ZFHX4: variants seen among roughly 807,000 people sequenced by gnomAD.
ZFHX4 encodes zinc finger homeobox protein 4.
ZFHX4 carries 56 observed loss-of-function variants against 267.6 expected under a neutral mutation model. The ratio of observed to expected loss-of-function variants is 0.21; its 90% CI spans 0.17 to 0.26. ZFHX4 has a LOEUF of 0.26. ZFHX4 is among the 10% of genes least tolerant of loss of function. ZFHX4 has a pLI of 1.00. For missense variants in ZFHX4, 4,332 were observed against 4,420.0 expected, an observed-to-expected ratio of 0.98 and a Z score of 0.56; for synonymous variants, 1,778 against 1,665.6, an observed-to-expected ratio of 1.07 and a Z score of -1.64.
Position 76,704,040 on chromosome 8 carries a change from C to T in ZFHX4, c.-46-3C>T. 1 of 1,519,462 alleles carries T rather than the reference C, an allele frequency of 6.6e-7. No individual in the cohort carries two copies. Among genetic ancestry groups the T allele is most frequent in the South Asian group, 1.3e-5 (1 of 74,524 alleles). 94.1% of individuals were successfully genotyped at this position (1,519,462 alleles called of 1,614,324 possible). A position where few individuals can be genotyped will look rare whatever the true frequency, so the allele number is the denominator to read the frequency against. Reference sequence around the variant, plus strand: ...GGCTTCTCTCACCTTATTTTTTATCCAGGTCCCTGACAGGCTGGATGAAAT... The same window carrying T: ...GGCTTCTCTCACCTTATTTTTTATCTAGGTCCCTGACAGGCTGGATGAAAT... On this transcript the variant is annotated splice_region_variant and splice_polypyrimidine_tract_variant and intron_variant, in intron 1 of 10. Coordinates refer to ENST00000651372, the MANE Select transcript of ZFHX4 (RefSeq NM_024721.5).
intron 4 of ZFHX4, among the ~76,000 whole-genome samples, chr8:76,818,005 T>G (rs1478898635): frequency 6.6e-6 from 1 of 152,150 alleles, no homozygotes; most frequent in Non-Finnish European, 1.5e-5. Flanking sequence ...GATAGAAAAG[T>G]GAAAGTTCCC....
chr8:76,699,620 A>G (rs1453731531), intron 1 of ZFHX4, among the ~76,000 whole-genome samples: 7 of 151,724 alleles, frequency 4.6e-5, no homozygotes, highest in African/African-American at 1.7e-4. Flanking sequence ...AGCACACCAC[A>G]CCCTTTTAAA....
intron 3 of ZFHX4, among the ~76,000 whole-genome samples, chr8:76,740,685 G>T (rs1000810882): frequency 6.6e-6 from 1 of 152,138 alleles, no homozygotes; most frequent in African/African-American, 2.4e-5. Flanking sequence ...GGTAAAGAAA[G>T]TCAGAAGAGT....
intron 3 of ZFHX4, among the ~76,000 whole-genome samples, chr8:76,711,344 G>T (rs1271158426): frequency 6.6e-6 from 1 of 152,018 alleles, no homozygotes; most frequent in Non-Finnish European, 1.5e-5. Flanking sequence ...ATTGCTCTAG[G>T]AAAATAAAAC....
At chr8:76,809,877 A>G (rs1020332448) in intron 4 of ZFHX4, among the ~76,000 whole-genome samples, 2 of 152,198 alleles carry the variant, frequency 1.3e-5, no homozygotes, top group African/African-American at 4.8e-5. Flanking sequence ...TCTTACGTTG[A>G]TTGATATTTG....
intron 4 of ZFHX4, among the ~76,000 whole-genome samples, chr8:76,824,524 T>C (rs1811735764): frequency 6.6e-6 from 1 of 152,222 alleles, no homozygotes; most frequent in Non-Finnish European, 1.5e-5. Context: ...ACTTGTCTAT[T>C]ACTACCAGTC....
chr8:76,806,074 A>G (rs923185157), intron 4 of ZFHX4, among the ~76,000 whole-genome samples: 7 of 152,236 alleles, frequency 4.6e-5, no homozygotes, highest in African/African-American at 1.7e-4. Flanking sequence ...CCCATCCTTT[A>G]TAGGAATCAC....
chr8:76,737,254 T>A, intron 3 of ZFHX4, among the ~76,000 whole-genome samples: 1 of 152,176 alleles, frequency 6.6e-6, no homozygotes, highest in East Asian at 1.9e-4. Flanking sequence ...TCCTTAGTTA[T>A]AACTGATACA....
intron 4 of ZFHX4, among the ~76,000 whole-genome samples, chr8:76,809,829 C>T (rs1020214673): frequency 6.6e-6 from 1 of 152,068 alleles, no homozygotes; most frequent in African/African-American, 2.4e-5. Context: ...TGATTAGTGA[C>T]ATTTGATAAT....
At chr8:76,842,852 C>G in intron 6 of ZFHX4, 81 bp downstream of exon 6, 1 of 945,430 alleles carries the variant, frequency 1.1e-6, no homozygotes, top group Non-Finnish European at 1.6e-6. Context: ...ATCCCCCCAC[C>G]CCACAAAACT....
chr8:76,849,925 T>C, intron 8 of ZFHX4: 1 of 604,624 alleles, frequency 1.7e-6, no homozygotes, highest in Non-Finnish European at 2.9e-6. Context: ...GTAAAGAACA[T>C]TATTTTGCAG....
chr8:76,793,132 G>T (rs914401357), intron 4 of ZFHX4, among the ~76,000 whole-genome samples: 2 of 152,096 alleles, frequency 1.3e-5, no homozygotes, highest in East Asian at 3.9e-4. Flanking sequence ...TTATTCTGCT[G>T]CTTCTGCCTC....
Position 76,855,211 on chromosome 8 carries a change from C to T in ZFHX4, c.8290C>T (p.Pro2764Ser), listed in dbSNP as rs750139579. The T allele has an allele frequency of 1.2e-6, 2 of 1,612,744 alleles. No individual in the cohort carries two copies. The highest frequency in any genetic ancestry group is 3.3e-4 in the Middle Eastern group (2 of 6,052). The change falls in exon 10 of 11, where the codon CCG becomes TCG. Residue 2764 changes from proline (P) to serine (S), a missense_variant. Coordinates refer to ENST00000651372, the MANE Select transcript of ZFHX4 (RefSeq NM_024721.5). Reference sequence around the variant, plus strand: ...TGTTAGTAAAACAGCAGAGCTGTCACCGAAGAATCTTTTAAGCCCTTCTTC... The same window carrying T: ...TGTTAGTAAAACAGCAGAGCTGTCATCGAAGAATCTTTTAAGCCCTTCTTC... ...TPVSKTAELS[P>S]KNLLSPSSFK...
At chr8:76,842,130 C>G (rs1812249924) in intron 5 of ZFHX4, among the ~76,000 whole-genome samples, 1 of 151,990 alleles carries the variant, frequency 6.6e-6, no homozygotes, top group African/African-American at 2.4e-5. Flanking sequence ...AAAAAAAATC[C>G]CCAATGTAAC....
intron 4 of ZFHX4, among the ~76,000 whole-genome samples, chr8:76,787,416 G>T (rs186453436): frequency 3.3e-5 from 5 of 152,148 alleles, no homozygotes; most frequent in East Asian, 3.9e-4. Flanking sequence ...GGAAGCAAAG[G>T]CTCTGAGTTT....
chr8:76,788,828 G>A (rs1256991194), intron 4 of ZFHX4, among the ~76,000 whole-genome samples: 2 of 152,220 alleles, frequency 1.3e-5, no homozygotes, highest in East Asian at 1.9e-4. Flanking sequence ...CTGGGGTCTG[G>A]GCCATACTAA....
At chr8:76,688,358 G>A (rs963256934) in intron 1 of ZFHX4, among the ~76,000 whole-genome samples, 3 of 152,132 alleles carry the variant, frequency 2.0e-5, no homozygotes, top group African/African-American at 7.2e-5. Context: ...GCAATGTTAA[G>A]TGTTTTAAGT....
intron 5 of ZFHX4, among the ~76,000 whole-genome samples, chr8:76,838,374 A>C (rs1812146418): frequency 6.6e-6 from 1 of 152,242 alleles, no homozygotes; most frequent in South Asian, 2.1e-4. Context: ...TTATGTAGGA[A>C]GTGAACAAAG....
Position 76,855,951 on chromosome 8 carries a change from C to T in ZFHX4, c.9030C>T (p.Thr3010=), listed in dbSNP as rs1354852760. 1.9e-6 allele frequency: 3 copies of T among 1,613,816 alleles called. No individual in the cohort carries two copies. Among genetic ancestry groups the T allele is most frequent in the Non-Finnish European group, 2.5e-6 (3 of 1,179,842 alleles). ...CGGAAGGCACCAAACCAGAGTGTACCCTCTGCGGGGTGAAGTACTCTGCCC... is the reference window on the plus strand; with the variant it reads ...CGGAAGGCACCAAACCAGAGTGTACTCTCTGCGGGGTGAAGTACTCTGCCC... ...GGTEGTKPEC[T]LCGVKYSARL... Residue 3010 remains threonine (T), a synonymous_variant, in exon 10 of 11, where the codon ACC becomes ACT. Transcript: ENST00000651372.
Sources: gnomAD v4.1 joint callset for allele counts (sites outside exome capture counted in the v4.1 genomes callset) on GRCh38, gnomAD v4.1.1 for gene constraint, MANE v1.5 for transcripts, NCBI Gene and HGNC (gene_info 2026-07-23, HGNC 2026-07-21) for gene names.